Variants in DHRS9 observed in about 807,000 individuals in gnomAD.
DHRS9 encodes the protein dehydrogenase/reductase 9.
DHRS9 carries 18 observed loss-of-function variants against 26.6 expected under a neutral mutation model. That is an observed-to-expected ratio of 0.68 (90% CI 0.47 to 1.00). DHRS9 has a LOEUF of 1.00. DHRS9 is among the 50% of genes least tolerant of loss of function. The pLI, the probability that DHRS9 is intolerant of heterozygous loss-of-function variation, is 0.00. For missense variants in DHRS9, 425 were observed against 378.7 expected (o/e 1.12, Z -1.01); for synonymous variants, 134 against 141.1 (o/e 0.95, Z 0.36).
intron 1 of DHRS9, chr2:169,081,092 A>G: frequency 1.0e-6 from 1 of 976,226 alleles, no homozygotes; most frequent in Non-Finnish European, 1.2e-6. Flanking sequence ...TTAAAATTGA[A>G]TTATTGTTTC....
chr2:169,068,271 T>C (rs1683703860), upstream of DHRS9, among the ~76,000 whole-genome samples: 1 of 152,250 alleles, frequency 6.6e-6, no homozygotes, highest in Non-Finnish European at 1.5e-5. Context: ...AAAGCATATT[T>C]AGCACATTTG....
At chr2:169,082,516 G>GA (rs1247171754) in intron 2 of DHRS9, among the ~76,000 whole-genome samples, 1 of 152,008 alleles carries the variant, frequency 6.6e-6, no homozygotes, top group Non-Finnish European at 1.5e-5. Flanking sequence ...ATTCACAAAG[G>GA]AAAAAACAAA....
At chr2:169,073,317 T>C (rs1683864021) in intron 1 of DHRS9, among the ~76,000 whole-genome samples, 1 of 152,214 alleles carries the variant, frequency 6.6e-6, no homozygotes, top group Admixed American at 6.5e-5. Context: ...AGCTTCTGAA[T>C]GTGTTTCCTC....
upstream of DHRS9, among the ~76,000 whole-genome samples, chr2:169,067,693 A>G (rs1442787738): frequency 6.6e-6 from 1 of 152,200 alleles, no homozygotes; most frequent in Non-Finnish European, 1.5e-5. Context: ...ACAAAGTAGC[A>G]CTTTCAAAGG....
At chr2:169,076,713 G>T (rs538095537) in intron 1 of DHRS9, among the ~76,000 whole-genome samples, 15 of 152,256 alleles carry the variant, frequency 9.9e-5, no homozygotes, top group African/African-American at 3.1e-4. Context: ...CAGGGATTGG[G>T]GCGCCAGTGC....
chr2:169,083,647 A>T, intron 3 of DHRS9, 60 bp downstream of exon 3: 1 of 1,576,068 alleles, frequency 6.3e-7, no homozygotes. Context: ...CTGAATGCTT[A>T]TGTACAAGAC....
intron 3 of DHRS9, among the ~76,000 whole-genome samples, chr2:169,087,056 C>T (rs1245785682): frequency 1.3e-5 from 2 of 152,168 alleles, no homozygotes; most frequent in Non-Finnish European, 2.9e-5. Context: ...GTGTCCTTCC[C>T]TTCGGGGTGG....
At chr2:169,084,212 T>C (rs1684282276) in intron 3 of DHRS9, among the ~76,000 whole-genome samples, 1 of 152,222 alleles carries the variant, frequency 6.6e-6, no homozygotes, top group African/African-American at 2.4e-5. Flanking sequence ...TGTATATATA[T>C]ACTGCATTTT....
At chr2:169,087,396 C>T (rs1285881739) in intron 3 of DHRS9, among the ~76,000 whole-genome samples, 2 of 151,254 alleles carry the variant, frequency 1.3e-5, no homozygotes, top group African/African-American at 4.9e-5. Flanking sequence ...CCCCTCTGGC[C>T]CAGGATAGGT....
At position 169,085,622 on chromosome 2, in the gene DHRS9, GATTGTTTGCTGTTGGCATACAGAA is replaced by G. The variant is rs1357167500; in HGVS notation, c.572+2053_572+2076del. Among the ~76,000 whole-genome samples the G allele has an allele frequency of 7.3e-5, 11 of 151,626 alleles. No individual in the cohort carries two copies. The East Asian group carries it at 2.1e-3, about 29-fold the overall frequency. On this transcript the variant is annotated intron_variant, in intron 3 of 4. Transcript: ENST00000674881. The stretch of plus-strand genomic sequence containing the variant: ...AATTAATTCCTTGATTTCTTTTTTG[GATTGTTTGCTGTTGGCATACAGAA>G]ATTGTTTGCTGTTGGCAATAGAAAT...
In DHRS9 at chr2:169,069,705, C is replaced by T. The variant is rs1244270325; in HGVS notation, c.-72C>T. ...CACCAACAGTTTCTGTGTCCCACTT[C>T]ATCTTTAATAAGGTAACTGATGACA... On this transcript the variant is annotated 5_prime_UTR_variant, in exon 1 of 5. Coordinates refer to ENST00000674881, the MANE Select transcript of DHRS9 (RefSeq NM_001376924.1). 1 of 985,340 alleles carries T rather than the reference C, an allele frequency of 1.0e-6. No individual in the cohort carries two copies. The highest frequency in any genetic ancestry group is 1.2e-6 in the Non-Finnish European group (1 of 829,940). 61.0% of individuals were successfully genotyped at this position (985,340 alleles called of 1,614,324 possible). A position where few individuals can be genotyped will look rare whatever the true frequency, so the allele number is the denominator to read the frequency against.
chr2:169,090,699 C>T (rs889342048), intron 3 of DHRS9, among the ~76,000 whole-genome samples: 22 of 152,148 alleles, frequency 1.4e-4, no homozygotes, highest in East Asian at 7.7e-4. Context: ...ATTTAGGAAA[C>T]GACTATTCAT....
Position 169,081,511 on chromosome 2 carries a change from T to A in DHRS9, c.-59-12T>A. 6.5e-7 allele frequency: 1 copy of A among 1,542,138 alleles called. No individual in the cohort carries two copies. Among genetic ancestry groups the A allele is most frequent in the Non-Finnish European group, 8.7e-7 (1 of 1,149,648 alleles). The stretch of plus-strand genomic sequence containing the variant: ...TCTAATTTGAATTTTCTTTTTCACT[T>A]TGAACACTCAGGACACCATCTTCTT... On this transcript the variant is annotated splice_polypyrimidine_tract_variant and intron_variant, in intron 1 of 4. Transcript: ENST00000674881.
intron 4 of DHRS9, among the ~76,000 whole-genome samples, chr2:169,092,341 T>C (rs924706065): frequency 6.6e-6 from 1 of 152,192 alleles, no homozygotes; most frequent in African/African-American, 2.4e-5. Context: ...CCTCCTCTTT[T>C]CCTCAAGCAC....
At chr2:169,068,926 G>A (rs1223864954), upstream of DHRS9, among the ~76,000 whole-genome samples, 3 of 152,254 alleles carry the variant, frequency 2.0e-5, no homozygotes, top group Admixed American at 1.3e-4. Context: ...GTGGTCCCAG[G>A]ATACGCCAGG....
At chr2:169,069,359 A>C, upstream of DHRS9, 1 of 927,494 alleles carries the variant, frequency 1.1e-6, no homozygotes, top group Non-Finnish European at 1.3e-6. Flanking sequence ...AGATTGTACT[A>C]ATCATAAAAT....
At chr2:169,067,200 G>C, upstream of DHRS9, 1 of 1,535,556 alleles carries the variant, frequency 6.5e-7, no homozygotes, top group Non-Finnish European at 8.7e-7. Context: ...TCACCCTCCT[G>C]GTCAGCCTTA....
At chr2:169,067,175 G>T (rs760382190), upstream of DHRS9, 7 of 1,535,608 alleles carry the variant, frequency 4.6e-6, no homozygotes, top group Non-Finnish European at 6.1e-6. Context: ...CACTGTGCAT[G>T]CTCTATCACC....
At chr2:169,076,992 G>A (rs1417068715) in intron 1 of DHRS9, among the ~76,000 whole-genome samples, 1 of 152,092 alleles carries the variant, frequency 6.6e-6, no homozygotes, top group Admixed American at 6.5e-5. Context: ...AGGCTGAGGA[G>A]GAAAAAAGAA....
Sources: allele counts gnomAD v4.1 joint callset (sites outside exome capture counted in the v4.1 genomes callset), GRCh38; gene constraint gnomAD v4.1.1; transcripts MANE v1.5; gene names NCBI Gene and HGNC (gene_info 2026-07-23, HGNC 2026-07-21).